The following OSBP2 variants were observed in gnomAD, a reference collection of about 807,000 sequenced individuals.
The protein encoded by OSBP2 is oxysterol binding protein 2.
Under a neutral mutation model 96.0 loss-of-function variants are expected in OSBP2, and 66 were observed. The ratio of observed to expected loss-of-function variants is 0.69; its 90% confidence interval spans 0.56 to 0.84. The LOEUF (loss-of-function observed/expected upper bound fraction) is 0.84, where lower values mean the gene tolerates loss of function less well. OSBP2 is among the 40% of genes least tolerant of loss of function. The pLI is 0.00. For missense variants in OSBP2, 1,038 were observed against 1,222.7 expected (o/e 0.85, Z 2.25); for synonymous variants, 525 against 520.9 (o/e 1.01, Z -0.11).
At chr22:30,711,119 T>C (rs1036900044) in intron 1 of OSBP2, among the ~76,000 whole-genome samples, 1 of 152,082 alleles carries the variant, frequency 6.6e-6, no homozygotes, top group African/African-American at 2.4e-5. Context: ...TGGGAAATAG[T>C]GTTTGAAGAT....
At chr22:30,741,653 G>A (rs1181984278) in intron 2 of OSBP2, among the ~76,000 whole-genome samples, 2 of 152,136 alleles carry the variant, frequency 1.3e-5, no homozygotes. Context: ...TTCAGATGCT[G>A]CAGTGGGTTA....
At chr22:30,720,580 G>T (rs1412815048) in intron 1 of OSBP2, among the ~76,000 whole-genome samples, 2 of 152,184 alleles carry the variant, frequency 1.3e-5, no homozygotes, top group East Asian at 3.9e-4. Flanking sequence ...AGTTACACAG[G>T]TGATCTCTGG....
chr22:30,892,662 C>A (rs2039974270), intron 8 of OSBP2, among the ~76,000 whole-genome samples: 1 of 152,102 alleles, frequency 6.6e-6, no homozygotes, highest in Non-Finnish European at 1.5e-5. Context: ...TGGAGCCAGG[C>A]TGGCCAGAGG....
intron 1 of OSBP2, among the ~76,000 whole-genome samples, chr22:30,729,051 AT>A (rs1315870081): frequency 6.6e-6 from 1 of 152,232 alleles, no homozygotes. Flanking sequence ...ACACATATGC[AT>A]TCACTGATAA....
At chr22:30,693,988 GA>G (rs1036787975), upstream of OSBP2, 69 of 1,312,150 alleles carry the variant, frequency 5.3e-5, no homozygotes, top group East Asian at 7.8e-5. Context: ...AAAAAAAGCG[GA>G]AAAAAAAATT....
At chr22:30,875,097 C>T (rs936990479) in intron 3 of OSBP2, among the ~76,000 whole-genome samples, 8 of 152,166 alleles carry the variant, frequency 5.3e-5, no homozygotes, top group Admixed American at 2.0e-4. Context: ...CTCACATTTA[C>T]CTGTGATGTT....
At chr22:30,726,060 A>G (rs1471025714) in intron 1 of OSBP2, among the ~76,000 whole-genome samples, 1 of 152,104 alleles carries the variant, frequency 6.6e-6, no homozygotes, top group Admixed American at 6.6e-5. Flanking sequence ...GATTACAGGC[A>G]TGAGCCCCCC....
At chr22:30,757,503 C>G (rs545350353) in intron 2 of OSBP2, among the ~76,000 whole-genome samples, 42 of 152,050 alleles carry the variant, frequency 2.8e-4, no homozygotes, top group African/African-American at 8.0e-4. Context: ...CTGCAACCTC[C>G]GCCTCCCGGG....
intron 2 of OSBP2, among the ~76,000 whole-genome samples, chr22:30,793,967 A>G (rs2090717707): frequency 6.6e-6 from 1 of 152,244 alleles, no homozygotes; most frequent in Non-Finnish European, 1.5e-5. Context: ...ACATCCATAC[A>G]CTGGAATATT....
chr22:30,881,607 C>T lies in OSBP2; in HGVS notation c.1108-5819C>T. ...AGGCCCTCCCTGGGCCCCTGGGAACCTCCCCCTGCCAGTCCCTCTGCCGGG... is the reference window on the plus strand; with the variant it reads ...AGGCCCTCCCTGGGCCCCTGGGAACTTCCCCCTGCCAGTCCCTCTGCCGGG... On this transcript the variant is annotated intron_variant, in intron 3 of 13. Transcript: ENST00000332585. This position sits in a 1 kb window ranked among gnomAD's most constrained non-coding sequence, Gnocchi z 4.5. 7.9e-7 allele frequency: 1 copy of T among 1,272,026 alleles called. No homozygotes were observed. The highest frequency in any genetic ancestry group is 1.0e-6 in the Non-Finnish European group (1 of 966,508). 78.8% of individuals were successfully genotyped at this position (1,272,026 alleles called of 1,614,324 possible). A position where few individuals can be genotyped will look rare whatever the true frequency, so the allele number is the denominator to read the frequency against.
At chr22:30,780,955 G>A (rs1227728878) in intron 2 of OSBP2, among the ~76,000 whole-genome samples, 1 of 152,010 alleles carries the variant, frequency 6.6e-6, no homozygotes, top group East Asian at 1.9e-4. Context: ...TGTGCCTCAT[G>A]TACAGTTTTT....
chr22:30,703,482 T>G (rs1210118983), intron 1 of OSBP2, among the ~76,000 whole-genome samples: 7 of 144,346 alleles, frequency 4.8e-5, no homozygotes. Flanking sequence ...CCTTATAGCT[T>G]TTTTTTTTTT....
intron 3 of OSBP2, among the ~76,000 whole-genome samples, chr22:30,875,580 C>T (rs1017017981): frequency 1.3e-5 from 2 of 152,174 alleles, no homozygotes; most frequent in Non-Finnish European, 2.9e-5. Flanking sequence ...CCATGTTGGT[C>T]AGGCTGGTCT....
chr22:30,765,470 A>T (rs566624970), intron 2 of OSBP2, among the ~76,000 whole-genome samples: 2 of 151,954 alleles, frequency 1.3e-5, no homozygotes, highest in Non-Finnish European at 2.9e-5. Context: ...CCGCCTCCCA[A>T]ACTGCTAGAA....
At chr22:30,758,362 C>T (rs2145767965) in intron 2 of OSBP2, among the ~76,000 whole-genome samples, 1 of 152,274 alleles carries the variant, frequency 6.6e-6, no homozygotes, top group East Asian at 1.9e-4. Flanking sequence ...GATGGCACCA[C>T]TGCATTCCAG....
chr22:30,807,604 G>A (rs530569130), intron 2 of OSBP2, among the ~76,000 whole-genome samples: 101 of 152,250 alleles, frequency 6.6e-4, no homozygotes, highest in African/African-American at 2.2e-3. Flanking sequence ...CAGCAGCTGG[G>A]CCTGCTCTTC....
chr22:30,716,523 C>T (rs1031451779), intron 1 of OSBP2, among the ~76,000 whole-genome samples: 5 of 151,910 alleles, frequency 3.3e-5, no homozygotes, highest in African/African-American at 7.3e-5. Flanking sequence ...CTGCAACCTC[C>T]GCCTCCCAGG....
At chr22:30,888,092 C>G in intron 4 of OSBP2, 131 bp from the exon 5 acceptor site, 1 of 689,972 alleles carries the variant, frequency 1.4e-6, no homozygotes, top group Non-Finnish European at 2.6e-6. Flanking sequence ...GGAATCAGGG[C>G]TGCCCAGGTG....
At chr22:30,864,700 C>A (rs1004488008) in intron 2 of OSBP2, among the ~76,000 whole-genome samples, 4 of 152,122 alleles carry the variant, frequency 2.6e-5, no homozygotes, top group African/African-American at 9.7e-5. Context: ...CCCTGCCAGG[C>A]CCATCTTAGC....
Sources: gnomAD v4.1 joint callset for allele counts (sites outside exome capture counted in the v4.1 genomes callset) on GRCh38, gnomAD v4.1.1 for gene constraint, Gnocchi (gnomAD v3.1) non-coding constraint, MANE v1.5 for transcripts, NCBI Gene and HGNC (gene_info 2026-07-23, HGNC 2026-07-21) for gene names.